The following ITGA9 variants were observed in gnomAD, a reference collection of about 807,000 sequenced individuals.
The protein encoded by ITGA9 is integrin subunit alpha 9, also known as integrin alpha-9.
Under a neutral mutation model 127.8 loss-of-function variants are expected in ITGA9, and 56 were observed. The ratio of observed to expected loss-of-function variants is 0.44; its 90% CI spans 0.35 to 0.55. ITGA9 has a LOEUF of 0.55. ITGA9 is among the 20% of genes least tolerant of loss of function. The pLI, the probability that ITGA9 is intolerant of heterozygous loss-of-function variation, is 0.00. For missense variants in ITGA9, 1,196 were observed against 1,347.1 expected, an observed-to-expected ratio of 0.89 and a Z score of 1.76; for synonymous variants, 508 against 514.5, an observed-to-expected ratio of 0.99 and a Z score of 0.17.
intron 23 of ITGA9, among the ~76,000 whole-genome samples, chr3:37,751,022 G>A (rs1407218829): frequency 1.3e-5 from 2 of 152,250 alleles, no homozygotes; most frequent in East Asian, 3.8e-4. Context: ...AATCAGGGCA[G>A]CAAGGCCCAT....
At chr3:37,625,328 C>G (rs1035922016) in intron 15 of ITGA9, among the ~76,000 whole-genome samples, 4 of 152,206 alleles carry the variant, frequency 2.6e-5, no homozygotes, top group Non-Finnish European at 4.4e-5. Flanking sequence ...ATCTCTGTTT[C>G]CCTGTGGCCC....
intron 4 of ITGA9, among the ~76,000 whole-genome samples, chr3:37,487,802 T>C (rs1243455583): frequency 1.3e-5 from 2 of 152,184 alleles, no homozygotes; most frequent in Non-Finnish European, 2.9e-5. Flanking sequence ...TGGTGATTAC[T>C]GAGTGCTGTG....
At chr3:37,780,133 T>A in intron 25 of ITGA9, 112 bp downstream of exon 25, 1 of 1,323,302 alleles carries the variant, frequency 7.6e-7, no homozygotes, top group Non-Finnish European at 1.1e-6. Context: ...GGTGTCCTCA[T>A]GACAATCTGG....
chr3:37,511,326 A>T (rs1354796636), intron 8 of ITGA9, among the ~76,000 whole-genome samples: 1 of 152,214 alleles, frequency 6.6e-6, no homozygotes, highest in Non-Finnish European at 1.5e-5. Context: ...TTCCAGGCTG[A>T]TGGGGAGCTC....
chr3:37,699,186 C>T (rs1456965099), intron 18 of ITGA9, among the ~76,000 whole-genome samples: 1 of 152,152 alleles, frequency 6.6e-6, no homozygotes, highest in Non-Finnish European at 1.5e-5. Flanking sequence ...ATGAACTGGT[C>T]AAGTCTCATA....
At chr3:37,780,164 C>CTT (rs1696959913) in intron 25 of ITGA9, 143 bp downstream of exon 25, 3 of 900,160 alleles carry the variant, frequency 3.3e-6, no homozygotes, top group Non-Finnish European at 5.4e-6. Flanking sequence ...TTTTGGCTGT[C>CTT]TACAAGAGAC....
At chr3:37,798,530 A>G (rs1162002799) in intron 26 of ITGA9, among the ~76,000 whole-genome samples, 1 of 152,214 alleles carries the variant, frequency 6.6e-6, no homozygotes, top group Non-Finnish European at 1.5e-5. Flanking sequence ...CAGAATCTGC[A>G]TTTTAATAGA....
At position 37,741,865 on chromosome 3, in the gene ITGA9, A is replaced by T. The variant is rs376548581; in HGVS notation, c.2324+46A>T. 7 of 1,415,978 alleles carry T rather than the reference A, an allele frequency of 4.9e-6. No homozygotes were observed. In the Middle Eastern group the frequency reaches 5.3e-4, roughly 106 times the overall value. 87.7% of individuals were successfully genotyped at this position (1,415,978 alleles called of 1,614,324 possible). ...TTGCCACAACACAGGAGTGCCCTCC[A>T]GTGGAACACTGTGCTTCTCATATTT... is the stretch of plus-strand genomic sequence containing the variant. On this transcript the variant is annotated intron_variant, in intron 21 of 27. Transcript: ENST00000264741.
At chr3:37,500,880 C>T (rs1460522842) in intron 5 of ITGA9, among the ~76,000 whole-genome samples, 1 of 152,216 alleles carries the variant, frequency 6.6e-6, no homozygotes, top group Non-Finnish European at 1.5e-5. Flanking sequence ...TTGACCTGCA[C>T]AGCATCTGTT....
intron 12 of ITGA9, among the ~76,000 whole-genome samples, chr3:37,525,440 C>T (rs998134473): frequency 6.6e-6 from 1 of 152,036 alleles, no homozygotes; most frequent in Non-Finnish European, 1.5e-5. Flanking sequence ...CTTCATTTTA[C>T]AGACAGGGAT....
At chr3:37,760,667 A>G (rs1696713318) in intron 23 of ITGA9, among the ~76,000 whole-genome samples, 1 of 152,182 alleles carries the variant, frequency 6.6e-6, no homozygotes, top group Non-Finnish European at 1.5e-5. Context: ...AGAAAAAAAC[A>G]AACAAACAAA....
At chr3:37,737,806 G>T (rs755119541) in intron 20 of ITGA9, among the ~76,000 whole-genome samples, 3 of 152,168 alleles carry the variant, frequency 2.0e-5, no homozygotes, top group Non-Finnish European at 4.4e-5. Flanking sequence ...CAAGAATAGT[G>T]CAAGGAACTC....
chr3:37,502,957 T>G (rs1454171426), intron 5 of ITGA9, among the ~76,000 whole-genome samples: 1 of 152,240 alleles, frequency 6.6e-6, no homozygotes, highest in African/African-American at 2.4e-5. Flanking sequence ...TTCTGTCACC[T>G]TGCTCAGTCT....
intron 17 of ITGA9, among the ~76,000 whole-genome samples, chr3:37,668,812 G>A (rs1169107382): frequency 1.3e-5 from 2 of 152,180 alleles, no homozygotes; most frequent in South Asian, 2.1e-4. Flanking sequence ...GGCTCTTCAC[G>A]GATGAAAAGC....
At chr3:37,660,710 G>T (rs1020952581) in intron 17 of ITGA9, among the ~76,000 whole-genome samples, 1 of 152,132 alleles carries the variant, frequency 6.6e-6, no homozygotes, top group South Asian at 2.1e-4. Context: ...CCCAAAACTC[G>T]ATGATATGAA....
At chr3:37,693,701 T>C (rs2125668720) in intron 18 of ITGA9, among the ~76,000 whole-genome samples, 1 of 152,314 alleles carries the variant, frequency 6.6e-6, no homozygotes, top group East Asian at 1.9e-4. Flanking sequence ...AGAAACTGCA[T>C]CTGGGCAGGA....
At chr3:37,790,262 G>A in intron 26 of ITGA9, 1 of 546,676 alleles carries the variant, frequency 1.8e-6, no homozygotes. Context: ...AGAAATGGCA[G>A]CAGCTTGTCA....
Position 37,556,083 on chromosome 3 carries a change from A to G in ITGA9, c.1689+13498A>G, listed in dbSNP as rs565381756. ...GGTGGAAAGATTCCCTTTCAACTCA[A>G]CATGTGTGAAGCACATGAACTGAAG... On this transcript the variant is annotated intron_variant, in intron 15 of 27. Transcript: ENST00000264741. Among the ~76,000 whole-genome samples the G allele has an allele frequency of 2.6e-5, 4 of 152,358 alleles. No homozygotes were observed. The East Asian group carries it at 7.7e-4, about 29-fold the overall frequency.
At position 37,459,111 on chromosome 3, in the gene ITGA9, T is replaced by C. The variant is rs367893664; in HGVS notation, c.185+6552T>C. The stretch of plus-strand genomic sequence containing the variant: ...ATGTCTGTTCTGACCAAAAAGGACT[T>C]CTGTGTTGAGTTTAAATTAGCAACA... On this transcript the variant is annotated intron_variant, in intron 1 of 27. Coordinates refer to ENST00000264741, the MANE Select transcript of ITGA9 (RefSeq NM_002207.3). 1.6e-4 allele frequency among the ~76,000 whole-genome samples: 24 copies of C among 152,336 alleles called. No individual in the cohort carries two copies. The East Asian group carries it at 1.7e-3, about 11-fold the overall frequency.
Sources: gnomAD v4.1 joint callset for allele counts (sites outside exome capture counted in the v4.1 genomes callset) on GRCh38, gnomAD v4.1.1 for gene constraint, MANE v1.5 for transcripts, NCBI Gene and HGNC (gene_info 2026-07-23, HGNC 2026-07-21) for gene names.